Variants in ITGA4 observed in about 807,000 individuals in gnomAD.
ITGA4 encodes integrin subunit alpha 4.
Under a neutral mutation model 133.6 loss-of-function variants are expected in ITGA4, and 63 were observed. The ratio of observed to expected loss-of-function variants is 0.47; its 90% CI spans 0.38 to 0.58. ITGA4 has a LOEUF of 0.58. Ranked by LOEUF, ITGA4 falls within the 20% of genes least tolerant of loss-of-function variation. The probability of loss-of-function intolerance (pLI) is 0.00; values close to 1 mark genes in which losing one functional copy is unlikely to be tolerated. For missense variants in ITGA4, 1,076 were observed against 1,252.7 expected, an observed-to-expected ratio of 0.86 and a Z score of 2.13; for synonymous variants, 483 against 438.0, an observed-to-expected ratio of 1.10 and a Z score of -1.28.
chr2:181,527,583 T>C (rs1297945409), intron 22 of ITGA4, 196 bp downstream of exon 22: 2 of 496,112 alleles, frequency 4.0e-6, no homozygotes, highest in Non-Finnish European at 7.4e-6. Flanking sequence ...GTCCCTGATA[T>C]TCAAGCCCAT....
chr2:181,500,511 C>G (rs142763711), intron 15 of ITGA4, among the ~76,000 whole-genome samples: 1 of 152,280 alleles, frequency 6.6e-6, no homozygotes, highest in Non-Finnish European at 1.5e-5. Context: ...AAAGAAGACG[C>G]ATAGCGGTTG....
chr2:181,480,416 T>C (rs1685776536), intron 6 of ITGA4, 150 bp downstream of exon 6: 1 of 412,132 alleles, frequency 2.4e-6, no homozygotes, highest in Admixed American at 4.4e-5. Context: ...CTCTTAAGGA[T>C]AGGATTTATG....
chr2:181,457,838 G>A lies in ITGA4; in HGVS notation c.184G>A (p.Gly62Arg), dbSNP rs2105705907. 1 of 1,612,310 alleles carries A rather than the reference G, an allele frequency of 6.2e-7. No individual in the cohort carries two copies. Among genetic ancestry groups the A allele is most frequent in the Non-Finnish European group, 8.5e-7 (1 of 1,179,248 alleles). The change falls in exon 1 of 28, where the codon GGG becomes AGG. Residue 62 changes from glycine to arginine, a missense_variant. By Grantham distance (125) the Gly-to-Arg change is moderately radical (BLOSUM62 -2). Transcript: ENST00000397033. ...CTACTCGGTCGTGCTGCACAGCCAC[G>A]GGGCGAACCGATGGTGAGTAGAGTT... Reference protein sequence around the residue: ...FGYSVVLHSHGANRWLLVGAP... With the variant: ...FGYSVVLHSHRANRWLLVGAP...
intron 2 of ITGA4, among the ~76,000 whole-genome samples, chr2:181,460,135 G>C (rs1685233196): frequency 6.6e-6 from 1 of 152,178 alleles, no homozygotes; most frequent in Non-Finnish European, 1.5e-5. Context: ...TAAGATAATT[G>C]ATTAGAAATG....
In ITGA4 at chr2:181,534,380, C is replaced by A. The variant is rs374243566; in HGVS notation, c.2883+10C>A. On this transcript the variant is annotated intron_variant, in intron 26 of 27. Coordinates refer to ENST00000397033, the MANE Select transcript of ITGA4 (RefSeq NM_000885.6). ...TGAGAATGTTGCGCATGTAAGATTA[C>A]CCTCTTAACTGCTACATTAAAATTA... The A allele has an allele frequency of 9.5e-6, 13 of 1,374,926 alleles. No homozygotes were observed. The highest frequency in any genetic ancestry group is 1.2e-5 in the Non-Finnish European group (12 of 964,546). The allele number at this position is 1,374,926 out of a possible 1,614,324, so 85.2% of individuals were successfully genotyped here. A position where few individuals can be genotyped will look rare whatever the true frequency, so the allele number is the denominator to read the frequency against.
At chr2:181,500,287 C>G (rs1009073166) in intron 15 of ITGA4, among the ~76,000 whole-genome samples, 3 of 152,044 alleles carry the variant, frequency 2.0e-5, no homozygotes, top group Non-Finnish European at 4.4e-5. Flanking sequence ...GTAACAAACC[C>G]ACACAGAAGA....
At chr2:181,533,967 A>G (rs759738809) in intron 25 of ITGA4, among the ~76,000 whole-genome samples, 3 of 152,210 alleles carry the variant, frequency 2.0e-5, no homozygotes, top group Non-Finnish European at 4.4e-5. Context: ...AGATAGATTC[A>G]ATATGCGGTG....
intron 21 of ITGA4, 78 bp from the exon 22 acceptor site, chr2:181,527,219 T>C (rs967015707): frequency 6.2e-5 from 51 of 823,804 alleles, no homozygotes; most frequent in Non-Finnish European, 9.9e-5. Context: ...TATGCTATAA[T>C]CCAGACTATA....
At chr2:181,470,389 GACACC>G (rs879801103) in intron 2 of ITGA4, among the ~76,000 whole-genome samples, 6 of 151,962 alleles carry the variant, frequency 3.9e-5, no homozygotes, top group Non-Finnish European at 8.8e-5. Context: ...CCAAATATTG[GACACC>G]CCTGAGCTAC....
At chr2:181,519,464 T>C (rs1574408700) in intron 17 of ITGA4, among the ~76,000 whole-genome samples, 1 of 152,060 alleles carries the variant, frequency 6.6e-6, no homozygotes, top group African/African-American at 2.4e-5. Context: ...AAGTTTAAAA[T>C]AGAAAAAAAG....
chr2:181,496,052 G>T (rs1322738542), intron 14 of ITGA4, 115 bp downstream of exon 14: 2 of 1,040,028 alleles, frequency 1.9e-6, no homozygotes, highest in East Asian at 2.4e-5. Context: ...TAGAGCGGGG[G>T]AGAGAAGCTA....
intron 10 of ITGA4, among the ~76,000 whole-genome samples, chr2:181,491,108 T>C (rs1010773040): frequency 5.8e-4 from 89 of 152,318 alleles, no homozygotes; most frequent in Admixed American, 9.8e-4. Context: ...TAGCCAGAGA[T>C]TGAATATACC....
chr2:181,504,350 C>G (rs916581348), intron 15 of ITGA4, among the ~76,000 whole-genome samples: 1 of 152,044 alleles, frequency 6.6e-6, no homozygotes, highest in Admixed American at 6.6e-5. Flanking sequence ...CTTTAGGTGA[C>G]TTCTAAAACT....
intron 17 of ITGA4, among the ~76,000 whole-genome samples, chr2:181,515,509 C>T (rs1451274661): frequency 1.3e-5 from 2 of 151,946 alleles, no homozygotes; most frequent in African/African-American, 4.8e-5. Context: ...AGCTTTATAT[C>T]CTGAAAATAT....
chr2:181,501,310 C>T (rs906844467), intron 15 of ITGA4, among the ~76,000 whole-genome samples: 2 of 152,052 alleles, frequency 1.3e-5, no homozygotes, highest in African/African-American at 4.8e-5. Flanking sequence ...AAGAATGTAC[C>T]TGGTTATTTT....
rs1686131387 is a variant in ITGA4, at chr2:181,495,072, A to C, written c.1339+260A>C. ...GAAAATCAAATATATGAGGAAAAGA[A>C]AGAAAATTTTTATTTAGAAAAATTT... On this transcript the variant is annotated intron_variant, in intron 12 of 27. Transcript: ENST00000397033. This position sits in a 1 kb window ranked among gnomAD's most constrained non-coding sequence, Gnocchi z 4.3. Among the ~76,000 whole-genome samples, 1 of 152,222 alleles carries C rather than the reference A, an allele frequency of 6.6e-6. No homozygotes were observed. The highest frequency in any genetic ancestry group is 2.4e-5 in the African/African-American group (1 of 41,462).
intron 17 of ITGA4, among the ~76,000 whole-genome samples, chr2:181,520,517 A>G (rs1005650919): frequency 2.0e-5 from 3 of 151,990 alleles, no homozygotes; most frequent in Non-Finnish European, 4.4e-5. Context: ...CAGTGTGAAG[A>G]CTGGATTAAA....
rs985187717 is a variant in ITGA4, at chr2:181,537,410, ATTTG to A, written c.*1886_*1889del. ...TAGATTTTGCCCAGTTCAAAATAGTATTTGTTATCAACTTACTTTGTTACTTGTA... is the reference window on the plus strand; with the variant it reads ...TAGATTTTGCCCAGTTCAAAATAGTATTATCAACTTACTTTGTTACTTGTA... On this transcript the variant is annotated 3_prime_UTR_variant, in exon 28 of 28. Transcript: ENST00000397033. 1 of 453,862 alleles carries A rather than the reference ATTTG, an allele frequency of 2.2e-6. No homozygotes were observed. Among genetic ancestry groups the A allele is most frequent in the African/African-American group, 2.0e-5 (1 of 49,998 alleles). The allele number at this position is 453,862 out of a possible 1,614,324, so 28.1% of individuals were successfully genotyped here.
At chr2:181,494,245 G>T (rs1686115247) in intron 11 of ITGA4, among the ~76,000 whole-genome samples, 1 of 152,140 alleles carries the variant, frequency 6.6e-6, no homozygotes, top group Non-Finnish European at 1.5e-5. Flanking sequence ...AGTGATTATA[G>T]ACATCTTGTT....
Sources: allele counts gnomAD v4.1 joint callset (sites outside exome capture counted in the v4.1 genomes callset), GRCh38; gene constraint gnomAD v4.1.1; non-coding constraint Gnocchi (gnomAD v3.1); transcripts MANE v1.5; gene names NCBI Gene and HGNC (gene_info 2026-07-23, HGNC 2026-07-21).